Variants in DNAJC15 observed in about 807,000 individuals in gnomAD.
DNAJC15 encodes DnaJ heat shock protein family (Hsp40) member C15, also known as dnaJ homolog subfamily C member 15.
Under a neutral mutation model 22.4 loss-of-function variants are expected in DNAJC15, and 27 were observed. The ratio of observed to expected loss-of-function variants is 1.20; its 90% CI spans 0.89 to 1.66. The LOEUF is 1.66. DNAJC15 is among the 40% of genes most tolerant of loss of function. The pLI, the probability that DNAJC15 is intolerant of heterozygous loss-of-function variation, is 0.00. For missense variants in DNAJC15, 208 were observed against 187.1 expected (o/e 1.11, Z -0.65); for synonymous variants, 79 against 63.2 (o/e 1.25, Z -1.19).
At chr13:43,036,966 C>T (rs1241447593) in intron 1 of DNAJC15, among the ~76,000 whole-genome samples, 2 of 152,214 alleles carry the variant, frequency 1.3e-5, no homozygotes, top group Admixed American at 1.3e-4. Flanking sequence ...GGGCAGGGGA[C>T]TTCCTGGGCC....
chr13:43,057,503 T>C lies in DNAJC15; in HGVS notation c.109-8183T>C, dbSNP rs188713248. ...TCTCTGGATATTTTTATCCATATAC[T>C]GTATTATATTTTAAATTTCTTTAAG... On this transcript the variant is annotated intron_variant, in intron 1 of 5. Transcript: ENST00000379221. Among the ~76,000 whole-genome samples the C allele has an allele frequency of 1.8e-3, 281 of 152,318 alleles. 1 individual carries two copies. Among genetic ancestry groups the C allele is most frequent in the African/African-American group, 6.5e-3 (270 of 41,580 alleles).
chr13:43,080,831 G>C (rs1053215430), intron 4 of DNAJC15, among the ~76,000 whole-genome samples: 1 of 152,188 alleles, frequency 6.6e-6, no homozygotes, highest in Non-Finnish European at 1.5e-5. Flanking sequence ...GCAGAAGCTA[G>C]ATATTTGTCC....
Position 43,068,361 on chromosome 13 carries a change from T to C in DNAJC15, c.161-569T>C, listed in dbSNP as rs2040592947. The stretch of plus-strand genomic sequence containing the variant: ...TAGGGAAAGAACTAAAAATAAGTTT[T>C]CAGAGAGAGTAGCCATCCTCAGTGA... On this transcript the variant is annotated intron_variant, in intron 2 of 5. Transcript: ENST00000379221. Among the ~76,000 whole-genome samples, 7 of 152,138 alleles carry C rather than the reference T, an allele frequency of 4.6e-5. No individual in the cohort carries two copies. In the South Asian group the frequency reaches 1.4e-3, roughly 31 times the overall value.
intron 1 of DNAJC15, among the ~76,000 whole-genome samples, chr13:43,050,352 C>G (rs140788342): frequency 1.5e-4 from 23 of 152,070 alleles, no homozygotes; most frequent in Middle Eastern, 3.4e-3. Flanking sequence ...TGTCACCAAG[C>G]TGAAGTACAG....
intron 3 of DNAJC15, among the ~76,000 whole-genome samples, chr13:43,072,039 G>A (rs553190486): frequency 6.6e-6 from 1 of 152,284 alleles, no homozygotes; most frequent in East Asian, 1.9e-4. Flanking sequence ...CTGAGACTAA[G>A]CCTTAGTGCC....
At chr13:43,059,174 G>T (rs1057254926) in intron 1 of DNAJC15, among the ~76,000 whole-genome samples, 6 of 152,064 alleles carry the variant, frequency 3.9e-5, no homozygotes, top group Non-Finnish European at 8.8e-5. Context: ...TGTTTTTAAA[G>T]GTTACAAGGC....
chr13:43,034,408 C>T (rs540247297), intron 1 of DNAJC15, among the ~76,000 whole-genome samples: 23 of 149,228 alleles, frequency 1.5e-4, no homozygotes, highest in East Asian at 7.9e-4. Context: ...CTCTGCCTCC[C>T]GGGTTCACGC....
intron 2 of DNAJC15, among the ~76,000 whole-genome samples, chr13:43,068,052 G>GTA (rs1481956264): frequency 6.6e-6 from 1 of 152,104 alleles, no homozygotes; most frequent in East Asian, 1.9e-4. Flanking sequence ...TTCTAAAACA[G>GTA]TATACATAGG....
intron 4 of DNAJC15, among the ~76,000 whole-genome samples, chr13:43,082,890 G>T (rs1469375811): frequency 6.6e-6 from 1 of 150,830 alleles, no homozygotes; most frequent in Non-Finnish European, 1.5e-5. Context: ...GCGTATATGT[G>T]TGTATATATA....
chr13:43,026,862 C>T (rs2040382959), intron 1 of DNAJC15, among the ~76,000 whole-genome samples: 10 of 151,966 alleles, frequency 6.6e-5, no homozygotes, highest in Admixed American at 6.6e-4. Flanking sequence ...TAGTGAGACC[C>T]CTGTCTTTCT....
intron 5 of DNAJC15, among the ~76,000 whole-genome samples, chr13:43,087,171 G>A (rs9525736): frequency 0.23 from 34,580 of 151,996 alleles, 4,484 homozygotes; most frequent in Non-Finnish European, 0.3. Context: ...TAAGAAAGAT[G>A]CTTTTAATGT....
intron 2 of DNAJC15, 130 bp downstream of exon 2, chr13:43,065,867 C>T (rs1055136904): frequency 5.4e-6 from 4 of 745,270 alleles, no homozygotes; most frequent in Non-Finnish European, 8.8e-6. Context: ...TCATTCTTTC[C>T]ACCATTTGTA....
In DNAJC15 at chr13:43,024,899, A is replaced by AAAAAAAAAAAAAAAAAAT. The variant is rs2040373001; in HGVS notation, c.108+1177_108+1178insAAAAATAAAAAAAAAAAA. Among the ~76,000 whole-genome samples, 4 of 146,492 alleles carry AAAAAAAAAAAAAAAAAAT rather than the reference A, an allele frequency of 2.7e-5. No individual in the cohort carries two copies. In the South Asian group the frequency reaches 8.9e-4, roughly 33 times the overall value. On this transcript the variant is annotated intron_variant, in intron 1 of 5. Transcript: ENST00000379221. ...CAGGAGACCCCATCTCTGCTAAAAA[A>AAAAAAAAAAAAAAAAAAT]AAAAAAAAAAAATTAGCTGGGTGTG...
chr13:43,031,550 G>T (rs879205100), intron 1 of DNAJC15, among the ~76,000 whole-genome samples: 1 of 152,224 alleles, frequency 6.6e-6, no homozygotes, highest in Non-Finnish European at 1.5e-5. Flanking sequence ...TGTAGAGGAG[G>T]AGATGATGGC....
chr13:43,055,749 C>G (rs1383314988), intron 1 of DNAJC15, among the ~76,000 whole-genome samples: 1 of 152,048 alleles, frequency 6.6e-6, no homozygotes, highest in Non-Finnish European at 1.5e-5. Flanking sequence ...TCTGATCCTT[C>G]TTTCTATTCT....
intron 1 of DNAJC15, among the ~76,000 whole-genome samples, chr13:43,059,266 A>G (rs977312242): frequency 1.3e-5 from 2 of 152,208 alleles, no homozygotes; most frequent in Admixed American, 1.3e-4. Flanking sequence ...TTATTACATT[A>G]TTATTGAATG....
intron 1 of DNAJC15, among the ~76,000 whole-genome samples, chr13:43,039,269 A>T (rs1042420887): frequency 6.6e-6 from 1 of 152,192 alleles, no homozygotes; most frequent in African/African-American, 2.4e-5. Context: ...TTTCAACTCT[A>T]TGATTCCGTG....
At position 43,023,843 on chromosome 13, in the gene DNAJC15, C is replaced by T. The variant is rs921549550; in HGVS notation, c.108+109C>T. 68 of 1,036,278 alleles carry T rather than the reference C, an allele frequency of 6.6e-5. No individual in the cohort carries two copies. The Admixed American group carries it at 1.0e-3, about 16-fold the overall frequency. 64.2% of individuals were successfully genotyped at this position (1,036,278 alleles called of 1,614,324 possible). A position where few individuals can be genotyped will look rare whatever the true frequency, so the allele number is the denominator to read the frequency against. ...CTTTGTACTCCCCCGCATTCGCTCA[C>T]GGTCTGTGCCCTAGCGCTCACTTGT... On this transcript the variant is annotated intron_variant, in intron 1 of 5. Transcript: ENST00000379221.
chr13:43,089,670 A>G (rs12585832), intron 5 of DNAJC15, among the ~76,000 whole-genome samples: 1 of 152,250 alleles, frequency 6.6e-6, no homozygotes, highest in Non-Finnish European at 1.5e-5. Flanking sequence ...TATTATGATA[A>G]TGAAATACTG....
Sources: gnomAD v4.1 joint callset for allele counts (sites outside exome capture counted in the v4.1 genomes callset) on GRCh38, gnomAD v4.1.1 for gene constraint, MANE v1.5 for transcripts, NCBI Gene and HGNC (gene_info 2026-07-23, HGNC 2026-07-21) for gene names.